The following DNAH9 variants were observed in gnomAD, a reference collection of about 807,000 sequenced individuals.
DNAH9 encodes dynein axonemal heavy chain 9, also known as DNAH9 variant protein.
In DNAH9, 345 loss-of-function variants were observed where a neutral mutation model predicts 471.6. The observed-to-expected ratio is 0.73, with a 90% confidence interval of 0.67 to 0.80. DNAH9 has a LOEUF of 0.80. Among genes scored for constraint, DNAH9 ranks in the 30% least tolerant of loss-of-function variants. DNAH9 has a pLI of 0.00. For missense variants in DNAH9, 5,407 were observed against 5,609.2 expected (o/e 0.96, Z 1.15); for synonymous variants, 2,093 against 2,123.6 (o/e 0.99, Z 0.40).
chr17:11,776,182 T>C (rs1968425111), intron 38 of DNAH9, among the ~76,000 whole-genome samples: 1 of 152,196 alleles, frequency 6.6e-6, no homozygotes, highest in Non-Finnish European at 1.5e-5. Context: ...GTGGAAAATC[T>C]GACGTTAGTG....
In DNAH9 at chr17:11,731,253, A is replaced by G. The variant is rs558538736; in HGVS notation, c.5814+3331A>G. Among the ~76,000 whole-genome samples the G allele has an allele frequency of 3.3e-5, 5 of 152,112 alleles. No homozygotes were observed. The South Asian group carries it at 1.0e-3, about 32-fold the overall frequency. On this transcript the variant is annotated intron_variant, in intron 28 of 68. Transcript: ENST00000262442. Reference sequence around the variant, plus strand: ...CAATGATGGTGATGGTGGTGATGATAGTGATAATGATGGTTGTGATAGTGA... The same window carrying G: ...CAATGATGGTGATGGTGGTGATGATGGTGATAATGATGGTTGTGATAGTGA...
chr17:11,908,995 T>G (rs1973697967), intron 61 of DNAH9, among the ~76,000 whole-genome samples: 1 of 152,198 alleles, frequency 6.6e-6, no homozygotes, highest in Non-Finnish European at 1.5e-5. Context: ...TGGTCCCTGT[T>G]GGTACGATGC....
At chr17:11,902,680 C>G (rs1973451665) in intron 59 of DNAH9, 39 bp from the exon 60 acceptor site, 2 of 1,579,020 alleles carry the variant, frequency 1.3e-6, no homozygotes, top group East Asian at 4.5e-5. Context: ...TGACAGCTTT[C>G]TGGAGAAACT....
At chr17:11,883,059 G>A (rs1263284405) in intron 55 of DNAH9, 4 of 987,140 alleles carry the variant, frequency 4.1e-6, no homozygotes, top group Middle Eastern at 5.2e-4. Context: ...AGGAAGAGAT[G>A]AGATCCACTT....
In DNAH9 at chr17:11,892,555, C is replaced by T. The variant is rs1480913544; in HGVS notation, c.11283+608C>T. 6.6e-6 allele frequency among the ~76,000 whole-genome samples: 1 copy of T among 151,884 alleles called. No homozygotes were observed. Among genetic ancestry groups the T allele is most frequent in the African/African-American group, 2.4e-5 (1 of 41,334 alleles). On this transcript the variant is annotated intron_variant, in intron 58 of 68. Coordinates refer to ENST00000262442, the MANE Select transcript of DNAH9 (RefSeq NM_001372.4). This position sits in a 1 kb window ranked among gnomAD's most constrained non-coding sequence, Gnocchi z 4.3. Reference sequence around the variant, plus strand: ...TCAAAAAACCATGAAAATTTACTTCCTTTTTTTTATTTTGAGATGGAGTCT... The same window carrying T: ...TCAAAAAACCATGAAAATTTACTTCTTTTTTTTTATTTTGAGATGGAGTCT...
intron 67 of DNAH9, among the ~76,000 whole-genome samples, chr17:11,946,507 CA>C (rs200788637): frequency 6.7e-6 from 1 of 148,326 alleles, no homozygotes; most frequent in Non-Finnish European, 1.5e-5. Context: ...ACTAAAAATA[CA>C]AAAAAAATAG....
intron 48 of DNAH9, among the ~76,000 whole-genome samples, chr17:11,827,467 C>A (rs2150946855): frequency 6.6e-6 from 1 of 152,198 alleles, no homozygotes. Context: ...GTGCCACACA[C>A]CTTTAAATGA....
chr17:11,778,463 A>T (rs16945327), intron 38 of DNAH9, among the ~76,000 whole-genome samples: 6,762 of 152,080 alleles, frequency 0.044, 181 homozygotes, highest in African/African-American at 0.069. Flanking sequence ...GAAGTCAACA[A>T]ACTGGCTTTT....
rs1279168565 is a variant in DNAH9, at chr17:11,623,123, G to A, written c.1350+3342G>A. On this transcript the variant is annotated intron_variant, in intron 6 of 68. Coordinates refer to ENST00000262442, the MANE Select transcript of DNAH9 (RefSeq NM_001372.4). This position sits in a 1 kb window ranked among gnomAD's most constrained non-coding sequence, Gnocchi z 4.1. ...CAAGTAGCTGGGATTACAGGCATGT[G>A]CCACCATGCCTGGTTAATTTTTGTA... is the stretch of plus-strand genomic sequence containing the variant. Among the ~76,000 whole-genome samples the A allele has an allele frequency of 2.0e-5, 3 of 152,038 alleles. No homozygotes were observed. Among genetic ancestry groups the A allele is most frequent in the Admixed American group, 6.5e-5 (1 of 15,270 alleles).
intron 38 of DNAH9, among the ~76,000 whole-genome samples, chr17:11,774,113 G>C (rs1968327234): frequency 1.3e-5 from 2 of 152,024 alleles, no homozygotes; most frequent in Admixed American, 6.6e-5. Flanking sequence ...TCCAGCCTGG[G>C]CAACAGAGTG....
At chr17:11,728,056 T>G in intron 28 of DNAH9, 134 bp downstream of exon 28, 1 of 635,548 alleles carries the variant, frequency 1.6e-6, no homozygotes, top group South Asian at 1.9e-5. Flanking sequence ...CCTTTCTCCA[T>G]CCTCTAAAAT....
chr17:11,960,048 C>CAGTTT (rs140478602), intron 67 of DNAH9, among the ~76,000 whole-genome samples: 1,621 of 152,198 alleles, frequency 0.011, 31 homozygotes, highest in African/African-American at 0.037. Context: ...AAGAAGTTAC[C>CAGTTT]AGTTTATTTC....
intron 17 of DNAH9, among the ~76,000 whole-genome samples, chr17:11,673,257 T>A (rs1349095548): frequency 6.6e-6 from 1 of 152,198 alleles, no homozygotes; most frequent in Admixed American, 6.5e-5. Context: ...TTAGTATCAA[T>A]CATGAGAGAA....
At chr17:11,811,422 G>A (rs985123070) in intron 45 of DNAH9, among the ~76,000 whole-genome samples, 3 of 152,150 alleles carry the variant, frequency 2.0e-5, no homozygotes, top group Non-Finnish European at 4.4e-5. Flanking sequence ...TGTAAGTTGG[G>A]TCTGTCTCCC....
intron 26 of DNAH9, 80 bp from the exon 27 acceptor site, chr17:11,719,254 G>A (rs1036786920): frequency 7.1e-7 from 1 of 1,403,000 alleles, no homozygotes; most frequent in Non-Finnish European, 9.9e-7. Flanking sequence ...AGCTATGCCA[G>A]ATCTCACATG....
intron 27 of DNAH9, among the ~76,000 whole-genome samples, chr17:11,725,007 C>T (rs905878043): frequency 4.6e-5 from 7 of 152,200 alleles, no homozygotes; most frequent in African/African-American, 1.2e-4. Context: ...CAGCCTAGAT[C>T]CCTCACATGT....
chr17:11,959,499 T>C (rs1045593245), intron 67 of DNAH9, among the ~76,000 whole-genome samples: 2 of 152,304 alleles, frequency 1.3e-5, no homozygotes, highest in African/African-American at 2.4e-5. Flanking sequence ...AGAAGCTTGA[T>C]TTGGGCTCAG....
rs552061769 is a variant in DNAH9 at position 11,623,424 on chromosome 17, T to C, written c.1350+3643T>C. On this transcript the variant is annotated intron_variant, in intron 6 of 68. Coordinates refer to ENST00000262442, the MANE Select transcript of DNAH9 (RefSeq NM_001372.4). This position sits in a 1 kb window ranked among gnomAD's most constrained non-coding sequence, Gnocchi z 4.1. Reference sequence around the variant, plus strand: ...TGCCCTGAATTTCCATGTGTTTTCATCTTCCCACGGCTACTCCTTGCCCCT... The same window carrying C: ...TGCCCTGAATTTCCATGTGTTTTCACCTTCCCACGGCTACTCCTTGCCCCT... 9.2e-5 allele frequency among the ~76,000 whole-genome samples: 14 copies of C among 152,244 alleles called. No individual in the cohort carries two copies. The highest frequency in any genetic ancestry group is 3.1e-4 in the African/African-American group (13 of 41,544).
At chr17:11,636,808 G>T in intron 9 of DNAH9, 24 bp downstream of exon 9, 1 of 1,609,454 alleles carries the variant, frequency 6.2e-7, no homozygotes, top group South Asian at 1.1e-5. Context: ...AGGGGATTTT[G>T]ATGGGGACAT....
Sources: gnomAD v4.1 joint callset for allele counts (sites outside exome capture counted in the v4.1 genomes callset) on GRCh38, gnomAD v4.1.1 for gene constraint, Gnocchi (gnomAD v3.1) non-coding constraint, MANE v1.5 for transcripts, NCBI Gene and HGNC (gene_info 2026-07-23, HGNC 2026-07-21) for gene names.